The following STK39 variants were observed in gnomAD, a reference collection of about 807,000 sequenced individuals.
The protein encoded by STK39 is STE20/SPS1-related proline-alanine-rich protein kinase.
STK39 carries 20 observed loss-of-function variants against 77.8 expected under a neutral mutation model. The ratio of observed to expected loss-of-function variants is 0.26; its 90% CI spans 0.18 to 0.37. STK39 has a LOEUF of 0.37. Among genes scored for constraint, STK39 ranks in the 10% least tolerant of loss-of-function variants. The pLI, the probability that STK39 is intolerant of heterozygous loss-of-function variation, is 1.00. For missense variants in STK39, 479 were observed against 656.5 expected, an observed-to-expected ratio of 0.73 and a Z score of 2.95; for synonymous variants, 246 against 234.1, an observed-to-expected ratio of 1.05 and a Z score of -0.47.
At chr2:167,996,856 G>A (rs1683854732) in intron 16 of STK39, among the ~76,000 whole-genome samples, 1 of 151,948 alleles carries the variant, frequency 6.6e-6, no homozygotes, top group Non-Finnish European at 1.5e-5. Flanking sequence ...CAAAGGGTGA[G>A]CCTGAGGAGG....
chr2:168,245,294 C>T (rs994057880), intron 1 of STK39, among the ~76,000 whole-genome samples: 1 of 152,216 alleles, frequency 6.6e-6, no homozygotes, highest in African/African-American at 2.4e-5. Context: ...CCTTCGGGCT[C>T]TCCCAGTACT....
At chr2:168,144,406 C>T (rs191822648) in intron 5 of STK39, among the ~76,000 whole-genome samples, 37 of 152,134 alleles carry the variant, frequency 2.4e-4, no homozygotes, top group Admixed American at 7.9e-4. Context: ...CATGCTCAAG[C>T]GATCCTCCTA....
chr2:168,001,027 G>C (rs1016926141), intron 16 of STK39, among the ~76,000 whole-genome samples: 2 of 152,126 alleles, frequency 1.3e-5, no homozygotes, highest in African/African-American at 4.8e-5. Flanking sequence ...ACACTGGCCA[G>C]GCCCATGCGT....
intron 5 of STK39, among the ~76,000 whole-genome samples, chr2:168,141,770 C>A (rs141640171): frequency 4.1e-4 from 62 of 152,272 alleles, no homozygotes; most frequent in Admixed American, 1.1e-3. Context: ...TTTTCCTTTG[C>A]GAGTCCCCCT....
intron 1 of STK39, among the ~76,000 whole-genome samples, chr2:168,213,767 G>T (rs1290340319): frequency 6.6e-6 from 1 of 151,656 alleles, no homozygotes; most frequent in Non-Finnish European, 1.5e-5. Flanking sequence ...AACCTTGGGG[G>T]GAATGTTTAT....
At chr2:168,235,990 A>G (rs1690595684) in intron 1 of STK39, among the ~76,000 whole-genome samples, 1 of 152,080 alleles carries the variant, frequency 6.6e-6, no homozygotes, top group African/African-American at 2.4e-5. Flanking sequence ...TGGCTGGGTC[A>G]AATGGTATTT....
At chr2:167,959,717 G>A (rs1201868268) in intron 17 of STK39, among the ~76,000 whole-genome samples, 1 of 152,114 alleles carries the variant, frequency 6.6e-6, no homozygotes, top group Non-Finnish European at 1.5e-5. Flanking sequence ...AGTCAATAAT[G>A]TTTCCTGCCT....
chr2:168,209,624 G>A (rs1231683743), intron 1 of STK39, among the ~76,000 whole-genome samples: 1 of 152,134 alleles, frequency 6.6e-6, no homozygotes, highest in East Asian at 1.9e-4. Context: ...AGGTTGGAGT[G>A]AGCCGAGATC....
intron 2 of STK39, among the ~76,000 whole-genome samples, chr2:168,178,278 C>T (rs2105621549): frequency 6.6e-6 from 1 of 152,274 alleles, no homozygotes; most frequent in East Asian, 1.9e-4. Context: ...AGAACATATC[C>T]TTGGCTCCTG....
chr2:168,065,338 A>T lies in STK39; in HGVS notation c.1286T>A (p.Leu429His). The change falls in exon 13 of 18, where the codon CTC (leucine) becomes CAC (histidine). Residue 429 changes from leucine to histidine, a missense_variant. Physicochemically the swap from Leu to His is moderately conservative, Grantham distance 99. This residue lies in a region of STK39 where 244 missense variants were observed against 296.8 expected (regional missense o/e 0.82). Transcript: ENST00000355999. ...ASTIPEQIQS[L>H]SVHDSQGPPN... ...ACATACCTGAGAGTCGTGCACAGAG[A>T]GGGACTGTATTTGTTCGGGGATGGT... 1 of 1,614,072 alleles carries T rather than the reference A, an allele frequency of 6.2e-7. No individual in the cohort carries two copies. Among genetic ancestry groups the T allele is most frequent in the African/African-American group, 1.3e-5 (1 of 75,032 alleles).
At position 168,130,345 on chromosome 2, in the gene STK39, G is replaced by T. The variant is rs368869586; in HGVS notation, c.975-587C>A. 4.6e-5 allele frequency among the ~76,000 whole-genome samples: 7 copies of T among 152,292 alleles called. No homozygotes were observed. The East Asian group carries it at 5.8e-4, about 13-fold the overall frequency. ...CCAGATGGTGTGATTATTTCCTCAT[G>T]GTGTCATTCAACTTGCTTCTCTAGC... On this transcript the variant is annotated intron_variant, in intron 8 of 17. Coordinates refer to ENST00000355999, the MANE Select transcript of STK39 (RefSeq NM_013233.3).
intron 16 of STK39, among the ~76,000 whole-genome samples, chr2:167,970,250 C>T (rs373360125): frequency 8.5e-5 from 13 of 152,288 alleles, no homozygotes; most frequent in African/African-American, 2.6e-4. Flanking sequence ...TTTCTGGATG[C>T]GGCCCTTTAC....
At chr2:168,072,974 C>A (rs977204892) in intron 12 of STK39, among the ~76,000 whole-genome samples, 11 of 152,140 alleles carry the variant, frequency 7.2e-5, no homozygotes, top group African/African-American at 2.7e-4. Flanking sequence ...TATCCTTTCA[C>A]AGAAATAAGA....
At chr2:168,167,197 C>T in intron 3 of STK39, 102 bp downstream of exon 3, 1 of 972,466 alleles carries the variant, frequency 1.0e-6, no homozygotes, top group South Asian at 1.5e-5. Flanking sequence ...AACTTTCAAA[C>T]ACAGGAGAGA....
intron 16 of STK39, among the ~76,000 whole-genome samples, chr2:167,989,178 C>G (rs1032208691): frequency 2.2e-4 from 34 of 152,134 alleles, no homozygotes; most frequent in African/African-American, 4.6e-4. Flanking sequence ...GTGGTCTGTA[C>G]GCACCTGGGG....
At chr2:168,144,232 A>G (rs965211606) in intron 5 of STK39, among the ~76,000 whole-genome samples, 1 of 152,038 alleles carries the variant, frequency 6.6e-6, no homozygotes, top group Admixed American at 6.6e-5. Context: ...CTATTACCCA[A>G]CTGTATGACT....
At chr2:168,119,332 T>G (rs1687346682) in intron 10 of STK39, among the ~76,000 whole-genome samples, 1 of 152,196 alleles carries the variant, frequency 6.6e-6, no homozygotes, top group African/African-American at 2.4e-5. Flanking sequence ...TAAGGAGAAC[T>G]GCAGAAACCA....
intron 8 of STK39, among the ~76,000 whole-genome samples, chr2:168,131,907 C>G (rs10175836): frequency 0.38 from 57,467 of 152,072 alleles, 11,665 homozygotes; most frequent in South Asian, 0.47. Context: ...ATTAACTAAG[C>G]ACCCACTGTT....
intron 16 of STK39, among the ~76,000 whole-genome samples, chr2:167,986,379 T>C (rs1373482412): frequency 6.6e-6 from 1 of 152,176 alleles, no homozygotes; most frequent in African/African-American, 2.4e-5. Context: ...AATTTTTGCT[T>C]TGGTCCTTGC....
Sources: gnomAD v4.1 joint callset for allele counts (sites outside exome capture counted in the v4.1 genomes callset) on GRCh38, gnomAD v4.1.1 for gene constraint, gnomAD v4.1.1 regional missense constraint, MANE v1.5 for transcripts, NCBI Gene and HGNC (gene_info 2026-07-23, HGNC 2026-07-21) for gene names.